The following USP7 variants were observed in gnomAD, a reference collection of about 807,000 sequenced individuals.
USP7 encodes ubiquitin C-terminal hydrolase 7.
In USP7, 9 loss-of-function variants were observed where a neutral mutation model predicts 162.9. That is an observed-to-expected ratio of 0.06 (90% CI 0.03 to 0.10). The LOEUF (loss-of-function observed/expected upper bound fraction) is 0.10, where lower values mean the gene tolerates loss of function less well. Among genes scored for constraint, USP7 ranks in the 10% least tolerant of loss-of-function variants. The pLI, the probability that USP7 is intolerant of heterozygous loss-of-function variation, is 1.00. For synonymous variants in USP7, 562 were observed against 475.9 expected (o/e 1.18, Z -2.35); for missense variants, 715 against 1,373.7 (o/e 0.52, Z 7.58).
chr16:8,910,873 T>A (rs767661610), intron 10 of USP7, 46 bp from the exon 11 acceptor site: 31 of 1,481,912 alleles, frequency 2.1e-5, no homozygotes, highest in Non-Finnish European at 2.7e-5. Flanking sequence ...GCTTCATTTA[T>A]AATGTAGCCA....
chr16:8,912,791 A>C (rs1030144468), intron 10 of USP7, among the ~76,000 whole-genome samples: 3 of 152,092 alleles, frequency 2.0e-5, no homozygotes, highest in African/African-American at 7.2e-5. Flanking sequence ...AATACATAGA[A>C]AAAAAAGAAG....
In USP7 at chr16:8,901,295, CAAAA is replaced by C. The variant is rs545251662; in HGVS notation, c.2048-65_2048-62del. 1.2e-3 allele frequency: 1,205 copies of C among 1,008,620 alleles called. 6 individuals are homozygous for C. In the African/African-American group the frequency reaches 0.017, roughly 14 times the overall value. 62.5% of individuals were successfully genotyped at this position (1,008,620 alleles called of 1,614,324 possible). On this transcript the variant is annotated intron_variant, in intron 18 of 30. Transcript: ENST00000344836. ...AACACTCAGCACAATGCTTAAAAAA[CAAAA>C]AAACAAACAAACAAAAAAACGAAAA...
intron 11 of USP7, 45 bp from the exon 12 acceptor site, chr16:8,908,495 C>A: frequency 2.6e-6 from 4 of 1,520,420 alleles, no homozygotes; most frequent in South Asian, 1.2e-5. Context: ...CCTCTACTTA[C>A]TCCTGGAAGC....
intron 11 of USP7, among the ~76,000 whole-genome samples, chr16:8,910,388 C>A (rs879296232): frequency 1.3e-5 from 2 of 152,144 alleles, no homozygotes; most frequent in Non-Finnish European, 2.9e-5. Context: ...AATAAAGAAA[C>A]ACAACCTAAA....
intron 1 of USP7, among the ~76,000 whole-genome samples, chr16:8,958,485 G>A (rs914864154): frequency 6.6e-6 from 1 of 152,194 alleles, no homozygotes; most frequent in East Asian, 1.9e-4. Flanking sequence ...TAAAGTGTGG[G>A]GTCAGGCAGG....
chr16:8,896,758 C>T (rs140617953), intron 26 of USP7, among the ~76,000 whole-genome samples: 4 of 152,292 alleles, frequency 2.6e-5, no homozygotes, highest in African/African-American at 9.6e-5. Context: ...TTGTGAAACA[C>T]GCATAACCCT....
At chr16:8,932,072 G>A (rs1898383080) in intron 1 of USP7, among the ~76,000 whole-genome samples, 3 of 151,946 alleles carry the variant, frequency 2.0e-5, no homozygotes, top group South Asian at 4.1e-4. Flanking sequence ...CCCCCTCCAA[G>A]AACTCTCCAA....
At chr16:8,895,619 C>T (rs962252542) in intron 27 of USP7, 23 bp downstream of exon 27, 9 of 1,581,862 alleles carry the variant, frequency 5.7e-6, no homozygotes, top group Non-Finnish European at 7.8e-6. Flanking sequence ...CTCTCTGGTG[C>T]CAACAGTATC....
At chr16:8,905,376 C>G in intron 13 of USP7, 45 bp from the exon 14 acceptor site, 1 of 1,604,212 alleles carries the variant, frequency 6.2e-7, no homozygotes, top group Non-Finnish European at 8.5e-7. Flanking sequence ...AGCACTGTGA[C>G]AAGTACCCAA....
intron 1 of USP7, among the ~76,000 whole-genome samples, chr16:8,961,240 C>T (rs1455049770): frequency 6.6e-6 from 1 of 152,092 alleles, no homozygotes; most frequent in Non-Finnish European, 1.5e-5. Context: ...CACCTGTAAT[C>T]TCAGCAGTTT....
Position 8,930,294 on chromosome 16 carries a change from ATCCTCCATG to A in USP7, c.174_182del (p.Met59_Asp61del), listed in dbSNP as rs745792287. 1 of 1,609,904 alleles carries A rather than the reference ATCCTCCATG, an allele frequency of 6.2e-7. No homozygotes were observed. The highest frequency in any genetic ancestry group is 1.1e-5 in the South Asian group (1 of 90,576). Reference sequence around the variant, plus strand: ...AGGCGGTGAACCACAGGCACTTACCATCCTCCATGTCCTCCTCCGCGGTGTTGTGTCCAT... The same window carrying A: ...AGGCGGTGAACCACAGGCACTTACCATCCTCCTCCGCGGTGTTGTGTCCAT... On this transcript the variant is annotated inframe_deletion and splice_region_variant, in exon 2 of 31. Coordinates refer to ENST00000344836, the MANE Select transcript of USP7 (RefSeq NM_003470.3).
chr16:8,947,411 C>T (rs1427321705), intron 1 of USP7, among the ~76,000 whole-genome samples: 1 of 152,018 alleles, frequency 6.6e-6, no homozygotes, highest in Non-Finnish European at 1.5e-5. Context: ...TACAGTGGTG[C>T]CATCTCGGCT....
At chr16:8,952,107 T>C (rs1446603922) in intron 1 of USP7, among the ~76,000 whole-genome samples, 1 of 151,626 alleles carries the variant, frequency 6.6e-6, no homozygotes, top group Non-Finnish European at 1.5e-5. Context: ...AGAAAAAAAA[T>C]GGCCAGGTGT....
At chr16:8,952,093 A>G (rs1201761007) in intron 1 of USP7, among the ~76,000 whole-genome samples, 2 of 152,106 alleles carry the variant, frequency 1.3e-5, no homozygotes, top group Non-Finnish European at 2.9e-5. Context: ...CGTCTATACA[A>G]AAAAGAAAAA....
intron 1 of USP7, among the ~76,000 whole-genome samples, chr16:8,937,958 C>G (rs1392685162): frequency 6.6e-6 from 1 of 152,106 alleles, no homozygotes; most frequent in Non-Finnish European, 1.5e-5. Context: ...TTAAGTATTT[C>G]ATGAATCAGT....
chr16:8,936,279 C>T (rs764670129), intron 1 of USP7, among the ~76,000 whole-genome samples: 5 of 152,172 alleles, frequency 3.3e-5, no homozygotes, highest in Non-Finnish European at 5.9e-5. Context: ...GGGTGGCTCA[C>T]ATGGCGCCCT....
chr16:8,902,967 T>C (rs1003747099), intron 16 of USP7, among the ~76,000 whole-genome samples: 7 of 152,204 alleles, frequency 4.6e-5, no homozygotes, highest in African/African-American at 1.7e-4. Flanking sequence ...TCCTTCAGGA[T>C]CGAATGCCCA....
intron 1 of USP7, among the ~76,000 whole-genome samples, chr16:8,946,530 C>T (rs765516848): frequency 4.6e-5 from 7 of 152,196 alleles, no homozygotes; most frequent in Non-Finnish European, 1.0e-4. Context: ...CTGCAAATCG[C>T]GTATCTTACA....
In USP7 at chr16:8,899,599, A is replaced by C. The variant is rs367978469; in HGVS notation, c.2463+5T>G. On this transcript the variant is annotated splice_donor_5th_base_variant and intron_variant, in intron 22 of 30. Transcript: ENST00000344836. ...CTGAAGAGGAAAGGAGCATTTATTA[A>C]ATACCTGAAAATAATTCATTCTATT... 5.6e-6 allele frequency: 9 copies of C among 1,613,482 alleles called. No homozygotes were observed. The highest frequency in any genetic ancestry group is 2.2e-5 in the South Asian group (2 of 91,068).
Sources: gnomAD v4.1 joint callset for allele counts (sites outside exome capture counted in the v4.1 genomes callset) on GRCh38, gnomAD v4.1.1 for gene constraint, MANE v1.5 for transcripts, NCBI Gene and HGNC (gene_info 2026-07-23, HGNC 2026-07-21) for gene names.